FSTL5: variants seen among roughly 807,000 people sequenced by gnomAD.
FSTL5 encodes follistatin like 5, also known as follistatin-related protein 5.
Under a neutral mutation model 89.1 loss-of-function variants are expected in FSTL5, and 62 were observed. The ratio of observed to expected loss-of-function variants is 0.70; its 90% CI spans 0.57 to 0.86. FSTL5 has a LOEUF of 0.86. Among genes scored for constraint, FSTL5 ranks in the 40% least tolerant of loss-of-function variants. The pLI is 0.00. For synonymous variants in FSTL5, 383 were observed against 346.2 expected (o/e 1.11, Z -1.18); for missense variants, 1,057 against 1,001.6 (o/e 1.06, Z -0.75).
At chr4:162,104,935 A>C (rs1319480589) in intron 2 of FSTL5, among the ~76,000 whole-genome samples, 1 of 152,208 alleles carries the variant, frequency 6.6e-6, no homozygotes, top group Non-Finnish European at 1.5e-5. Context: ...CCTTGTCAAC[A>C]GAATCATCAT....
chr4:161,525,454 A>G (rs1731185251), intron 10 of FSTL5, among the ~76,000 whole-genome samples: 2 of 152,338 alleles, frequency 1.3e-5, no homozygotes, highest in Middle Eastern at 3.4e-3. Context: ...GTTGGTGTTC[A>G]CATACTTTGT....
chr4:161,484,543 T>A (rs1232141299), intron 12 of FSTL5, among the ~76,000 whole-genome samples: 2 of 152,214 alleles, frequency 1.3e-5, no homozygotes, highest in Non-Finnish European at 2.9e-5. Flanking sequence ...CATCTAATTA[T>A]CTTCAGACTT....
At chr4:161,614,252 A>G (rs1734762278) in intron 7 of FSTL5, among the ~76,000 whole-genome samples, 1 of 152,186 alleles carries the variant, frequency 6.6e-6, no homozygotes, top group Admixed American at 6.5e-5. Context: ...ATGAATTCGG[A>G]AAAAATTTTC....
chr4:161,426,419 A>C (rs1156261882), intron 15 of FSTL5, among the ~76,000 whole-genome samples: 1 of 152,230 alleles, frequency 6.6e-6, no homozygotes, highest in Non-Finnish European at 1.5e-5. Context: ...GAAATCTGGA[A>C]AGATTCTCAG....
chr4:161,397,137 A>T (rs1005216149), intron 15 of FSTL5, among the ~76,000 whole-genome samples: 6 of 152,184 alleles, frequency 3.9e-5, no homozygotes, highest in African/African-American at 1.4e-4. Context: ...TGTCTTACCC[A>T]TGCAACAAAT....
In FSTL5 at chr4:161,680,716, T is replaced by TC. The variant is rs533510052; in HGVS notation, c.728-24223_728-24222insG. 4.7e-3 allele frequency among the ~76,000 whole-genome samples: 721 copies of TC among 152,000 alleles called. 9 individuals are homozygous for TC. Among genetic ancestry groups the TC allele is most frequent in the South Asian group, 0.045 (219 of 4,828 alleles). On this transcript the variant is annotated intron_variant, in intron 6 of 15. Transcript: ENST00000306100. ...ATAATTATAGTAAAATATATTTTTT[T>TC]ATATGCCCTTCTAAATTTTCCCTGT... is the stretch of plus-strand genomic sequence containing the variant.
At chr4:161,530,721 T>G (rs1578902908) in intron 10 of FSTL5, among the ~76,000 whole-genome samples, 1 of 152,226 alleles carries the variant, frequency 6.6e-6, no homozygotes, top group East Asian at 1.9e-4. Context: ...ACAGCTGGAT[T>G]AATCATATTC....
chr4:161,413,220 A>T lies in FSTL5; in HGVS notation c.1842-26771T>A, dbSNP rs117274309. Reference sequence around the variant, plus strand: ...AACTTAAATCAATAGGAAAAAAATTAAAAAATGGGCAAAGGACATGAATAG... The same window carrying T: ...AACTTAAATCAATAGGAAAAAAATTTAAAAATGGGCAAAGGACATGAATAG... On this transcript the variant is annotated intron_variant, in intron 15 of 15. Transcript: ENST00000306100. Among the ~76,000 whole-genome samples, 456 of 146,850 alleles carry T rather than the reference A, an allele frequency of 3.1e-3. 10 individuals are homozygous for T. The East Asian group carries it at 0.051, about 16-fold the overall frequency.
intron 3 of FSTL5, among the ~76,000 whole-genome samples, chr4:162,010,011 C>T (rs1426719740): frequency 4.0e-5 from 6 of 149,072 alleles, no homozygotes; most frequent in Non-Finnish European, 5.9e-5. Flanking sequence ...TTAATCTTTA[C>T]AGAATTTCCT....
chr4:161,513,272 G>GGGAGAGAGAGAGAGA (rs1349844190), intron 10 of FSTL5, among the ~76,000 whole-genome samples: 4 of 109,978 alleles, frequency 3.6e-5, no homozygotes, highest in African/African-American at 7.0e-5. Flanking sequence ...ACAAGGAGGG[G>GGGAGAGAGAGAGAGA]GAGAGAGAGA....
chr4:161,913,181 G>A (rs1004932894), intron 4 of FSTL5, among the ~76,000 whole-genome samples: 3 of 152,148 alleles, frequency 2.0e-5, no homozygotes, highest in East Asian at 1.9e-4. Context: ...AATTCAAAGC[G>A]GCTACAGGAA....
At chr4:161,399,623 C>T (rs981729480) in intron 15 of FSTL5, among the ~76,000 whole-genome samples, 5 of 151,984 alleles carry the variant, frequency 3.3e-5, no homozygotes, top group Admixed American at 6.6e-5. Flanking sequence ...CTTAGTGGTA[C>T]TTTGTAAGCG....
In FSTL5 at chr4:161,964,859, C is replaced by T. The variant is rs371495891; in HGVS notation, c.161-44207G>A. Reference sequence around the variant, plus strand: ...TTTTACAACACATATGGTCACAATTCCTTATTTACTTTTTCCTGAGCTTCT... The same window carrying T: ...TTTTACAACACATATGGTCACAATTTCTTATTTACTTTTTCCTGAGCTTCT... On this transcript the variant is annotated intron_variant, in intron 3 of 15. Coordinates refer to ENST00000306100, the MANE Select transcript of FSTL5 (RefSeq NM_020116.5). Among the ~76,000 whole-genome samples the T allele has an allele frequency of 2.4e-4, 36 of 152,032 alleles. No homozygotes were observed. The South Asian group carries it at 5.4e-3, about 23-fold the overall frequency.
intron 3 of FSTL5, among the ~76,000 whole-genome samples, chr4:161,950,623 C>G (rs555107084): frequency 6.6e-6 from 1 of 152,264 alleles, no homozygotes; most frequent in African/African-American, 2.4e-5. Context: ...TCTGCTCTCT[C>G]TTCAGTGTTC....
chr4:161,957,076 AAAAT>A, intron 3 of FSTL5, among the ~76,000 whole-genome samples: 1 of 152,146 alleles, frequency 6.6e-6, no homozygotes, highest in South Asian at 2.1e-4. Flanking sequence ...GATGCTAACA[AAAAT>A]AAATTAATTT....
At chr4:161,813,334 A>G (rs1038699658) in intron 4 of FSTL5, among the ~76,000 whole-genome samples, 3 of 152,084 alleles carry the variant, frequency 2.0e-5, no homozygotes, top group Non-Finnish European at 2.9e-5. Flanking sequence ...TGGCTGAAAG[A>G]TTCTTTAGAA....
intron 6 of FSTL5, among the ~76,000 whole-genome samples, chr4:161,692,595 C>T (rs919446749): frequency 3.3e-5 from 5 of 152,014 alleles, no homozygotes; most frequent in African/African-American, 1.2e-4. Flanking sequence ...TTAAGACACA[C>T]AGAAAAATCC....
intron 13 of FSTL5, among the ~76,000 whole-genome samples, chr4:161,469,832 C>T (rs934176008): frequency 3.3e-5 from 5 of 151,780 alleles, no homozygotes; most frequent in African/African-American, 9.7e-5. Context: ...TTAGTAGAGA[C>T]GGAGTTTCAC....
chr4:161,645,776 T>C (rs1389945364), intron 7 of FSTL5, among the ~76,000 whole-genome samples: 2 of 152,130 alleles, frequency 1.3e-5, no homozygotes, highest in Non-Finnish European at 2.9e-5. Context: ...TAGAAGCTTT[T>C]GGATCATAAA....
Sources: gnomAD v4.1 joint callset for allele counts (sites outside exome capture counted in the v4.1 genomes callset) on GRCh38, gnomAD v4.1.1 for gene constraint, MANE v1.5 for transcripts, NCBI Gene and HGNC (gene_info 2026-07-23, HGNC 2026-07-21) for gene names.